Variants in TRAPPC13 observed in about 807,000 individuals in gnomAD.
TRAPPC13 encodes REV7-interacting novel NHEJ regulator 1.
A neutral mutation model predicts 54.0 loss-of-function variants in TRAPPC13; 39 were observed. The ratio of observed to expected loss-of-function variants is 0.72; its 90% CI spans 0.56 to 0.94. The LOEUF (loss-of-function observed/expected upper bound fraction) is 0.94. TRAPPC13 is among the 40% of genes least tolerant of loss of function. TRAPPC13 has a pLI of 0.00. For missense variants in TRAPPC13, 386 were observed against 488.1 expected, an observed-to-expected ratio of 0.79 and a Z score of 1.97; for synonymous variants, 148 against 167.7, an observed-to-expected ratio of 0.88 and a Z score of 0.91.
At chr5:65,633,052 G>A (rs1447074965) in intron 1 of TRAPPC13, among the ~76,000 whole-genome samples, 5 of 152,120 alleles carry the variant, frequency 3.3e-5, no homozygotes, top group Non-Finnish European at 7.3e-5. Context: ...TATACTGCAT[G>A]ATAAATACAA....
chr5:65,644,976 C>G (rs1756127284), intron 4 of TRAPPC13, among the ~76,000 whole-genome samples: 1 of 151,798 alleles, frequency 6.6e-6, no homozygotes, highest in African/African-American at 2.4e-5. Flanking sequence ...GCGGGCAGAT[C>G]ACCTGAGGCC....
intron 1 of TRAPPC13, among the ~76,000 whole-genome samples, chr5:65,633,737 T>G (rs999008507): frequency 2.6e-5 from 4 of 151,968 alleles, no homozygotes; most frequent in African/African-American, 9.7e-5. Flanking sequence ...AATTATAGAG[T>G]GTTTACTCAT....
At chr5:65,650,705 A>C in intron 5 of TRAPPC13, 105 bp from the exon 6 acceptor site, 1 of 830,442 alleles carries the variant, frequency 1.2e-6, no homozygotes, top group Non-Finnish European at 2.0e-6. Context: ...CATCCACACC[A>C]TAGATATAAG....
chr5:65,625,889 C>T (rs1227307664), intron 1 of TRAPPC13: 1 of 152,194 alleles, frequency 6.6e-6, no homozygotes, highest in African/African-American at 2.4e-5. Flanking sequence ...GCTCAATAAA[C>T]ATTCGGGTTC....
chr5:65,649,332 A>G (rs1340711052), intron 5 of TRAPPC13, among the ~76,000 whole-genome samples: 1 of 152,198 alleles, frequency 6.6e-6, no homozygotes, highest in Non-Finnish European at 1.5e-5. Context: ...TAACACAGAG[A>G]TGAACACCTT....
chr5:65,664,171 A>T, intron 11 of TRAPPC13, 66 bp from the exon 12 acceptor site: 1 of 1,510,192 alleles, frequency 6.6e-7, no homozygotes, highest in Non-Finnish European at 9.0e-7. Context: ...TCACTAGTAG[A>T]AATATTGCAG....
At position 65,641,717 on chromosome 5, in the gene TRAPPC13, AAAAAAAAAC is replaced by A. The variant is rs1339203348; in HGVS notation, c.300+3949_300+3957del. Reference sequence around the variant, plus strand: ...CAGGGCAATACCCTGTCTGAGAAAAAAAAAAAAACAAAAAAAACAAGACAAAACAAATAC... The same window carrying A: ...CAGGGCAATACCCTGTCTGAGAAAAAAAAAAAAACAAGACAAAACAAATAC... On this transcript the variant is annotated intron_variant, in intron 4 of 12. Transcript: ENST00000399438. 6.6e-5 allele frequency among the ~76,000 whole-genome samples: 10 copies of A among 151,412 alleles called. No individual in the cohort carries two copies. In the East Asian group the frequency reaches 7.7e-4, roughly 12 times the overall value.
intron 1 of TRAPPC13, among the ~76,000 whole-genome samples, chr5:65,628,883 T>A (rs889486775): frequency 9.9e-5 from 15 of 151,732 alleles, no homozygotes; most frequent in African/African-American, 3.6e-4. Context: ...AGTGGCATGA[T>A]CTTGGCTCAC....
chr5:65,657,202 T>C (rs1202024626), intron 8 of TRAPPC13, among the ~76,000 whole-genome samples: 1 of 151,614 alleles, frequency 6.6e-6, no homozygotes, highest in African/African-American at 2.4e-5. Context: ...GCCAACATGG[T>C]GAAACCCTGT....
chr5:65,641,872 C>A (rs573882617), intron 4 of TRAPPC13, among the ~76,000 whole-genome samples: 66 of 140,566 alleles, frequency 4.7e-4, no homozygotes, highest in Middle Eastern at 3.8e-3. Context: ...AACACTTTTT[C>A]TTTTTTTTTT....
chr5:65,633,972 C>T, intron 1 of TRAPPC13, among the ~76,000 whole-genome samples: 1 of 144,488 alleles, frequency 6.9e-6, no homozygotes. Context: ...AATATCTCTC[C>T]CAGCGTTTTT....
chr5:65,658,201 G>A (rs27143), intron 8 of TRAPPC13, 167 bp from the exon 9 acceptor site: 334,928 of 548,070 alleles, frequency 0.61, 103,874 homozygotes, highest in South Asian at 0.65. Flanking sequence ...AATTATGATA[G>A]GGTGAAGATT....
chr5:65,640,145 G>A lies in TRAPPC13; in HGVS notation c.300+2365G>A, dbSNP rs74975470. ...AACTACAGCCCAAAGACCAAATTTGGTCCATTGTCTGTTTTTATAAGGCTT... is the reference window on the plus strand; with the variant it reads ...AACTACAGCCCAAAGACCAAATTTGATCCATTGTCTGTTTTTATAAGGCTT... On this transcript the variant is annotated intron_variant, in intron 4 of 12. Coordinates refer to ENST00000399438, the MANE Select transcript of TRAPPC13 (RefSeq NM_024941.4). Among the ~76,000 whole-genome samples the A allele has an allele frequency of 2.4e-3, 361 of 152,256 alleles. 2 individuals are homozygous for A. Among genetic ancestry groups the A allele is most frequent in the African/African-American group, 8.4e-3 (347 of 41,540 alleles).
chr5:65,646,734 C>T (rs1361304551), intron 4 of TRAPPC13, among the ~76,000 whole-genome samples: 1 of 152,154 alleles, frequency 6.6e-6, no homozygotes, highest in Non-Finnish European at 1.5e-5. Flanking sequence ...CACTTTTACC[C>T]TTCCCTCTGC....
Position 65,625,114 on chromosome 5 carries a change from T to G in TRAPPC13, c.46+8T>G. On this transcript the variant is annotated splice_region_variant and intron_variant, in intron 1 of 12. Transcript: ENST00000399438. Reference sequence around the variant, plus strand: ...ACCTGCTGGCGCTAAAAGGTAAACTTTTGCGAACCTGATTCCCCCTTTTCT... The same window carrying G: ...ACCTGCTGGCGCTAAAAGGTAAACTGTTGCGAACCTGATTCCCCCTTTTCT... 1 of 1,611,900 alleles carries G rather than the reference T, an allele frequency of 6.2e-7. No homozygotes were observed. The highest frequency in any genetic ancestry group is 8.5e-7 in the Non-Finnish European group (1 of 1,178,004).
At chr5:65,642,824 C>A (rs951309007) in intron 4 of TRAPPC13, among the ~76,000 whole-genome samples, 1 of 152,058 alleles carries the variant, frequency 6.6e-6, no homozygotes, top group African/African-American at 2.4e-5. Flanking sequence ...CCACACCTGG[C>A]TAATTATTTT....
intron 5 of TRAPPC13, among the ~76,000 whole-genome samples, chr5:65,647,421 A>G (rs757726265): frequency 3.3e-5 from 5 of 152,194 alleles, no homozygotes; most frequent in Non-Finnish European, 5.9e-5. Context: ...CAATCTCTAA[A>G]AAATGAAAAG....
chr5:65,639,204 C>G (rs1037628338), intron 4 of TRAPPC13, among the ~76,000 whole-genome samples: 7 of 152,182 alleles, frequency 4.6e-5, no homozygotes, highest in African/African-American at 1.7e-4. Flanking sequence ...CCTCCCACAA[C>G]ACATGGGAAT....
intron 1 of TRAPPC13, among the ~76,000 whole-genome samples, chr5:65,632,400 A>G (rs994200738): frequency 2.6e-5 from 4 of 152,170 alleles, no homozygotes; most frequent in East Asian, 1.9e-4. Context: ...ACGCCTCCCC[A>G]TATTCATCTG....
Sources: gnomAD v4.1 joint callset for allele counts (sites outside exome capture counted in the v4.1 genomes callset) on GRCh38, gnomAD v4.1.1 for gene constraint, MANE v1.5 for transcripts, NCBI Gene and HGNC (gene_info 2026-07-23, HGNC 2026-07-21) for gene names.